RPS6KC1: variants seen among roughly 807,000 people sequenced by gnomAD.
RPS6KC1 encodes the protein inactive ribosomal protein S6 kinase delta-1.
Under a neutral mutation model 103.8 loss-of-function variants are expected in RPS6KC1, and 54 were observed. The ratio of observed to expected loss-of-function variants is 0.52; its 90% CI spans 0.42 to 0.65. The LOEUF is 0.65. Among genes scored for constraint, RPS6KC1 ranks in the 30% least tolerant of loss-of-function variants. RPS6KC1 has a pLI of 0.00. For synonymous variants in RPS6KC1, 439 were observed against 438.7 expected (o/e 1.00, Z -0.01); for missense variants, 1,151 against 1,253.8 (o/e 0.92, Z 1.24).
chr1:213,299,740 T>C, the RPS6KC1 span, among the ~76,000 whole-genome samples: 2 of 152,194 alleles, frequency 1.3e-5, no homozygotes, highest in African/African-American at 4.8e-5. Flanking sequence ...TCTCATACTG[T>C]CTTCAAGGTC....
At chr1:213,074,462 T>C (rs1014798661) in intron 2 of RPS6KC1, among the ~76,000 whole-genome samples, 3 of 152,236 alleles carry the variant, frequency 2.0e-5, no homozygotes, top group Admixed American at 6.5e-5. Context: ...CTGAGGACTT[T>C]GTGTAGTCCA....
chr1:213,512,256 A>G, the RPS6KC1 span, among the ~76,000 whole-genome samples: 532 of 152,354 alleles, frequency 3.5e-3, 1 homozygote, highest in Middle Eastern at 6.8e-3. Context: ...ATCAACATTT[A>G]AATGCCCAAA....
intron 1 of RPS6KC1, among the ~76,000 whole-genome samples, chr1:213,052,672 C>T (rs1400721045): frequency 6.6e-6 from 1 of 152,074 alleles, no homozygotes; most frequent in Non-Finnish European, 1.5e-5. Context: ...TCCCGAGTAG[C>T]TGGGATTACA....
At chr1:213,543,909 C>T in the RPS6KC1 span, among the ~76,000 whole-genome samples, 1 of 152,176 alleles carries the variant, frequency 6.6e-6, no homozygotes, top group Non-Finnish European at 1.5e-5. Context: ...AACTTAGCTG[C>T]TAAACTTTCC....
At chr1:213,331,143 A>G in the RPS6KC1 span, among the ~76,000 whole-genome samples, 1 of 152,256 alleles carries the variant, frequency 6.6e-6, no homozygotes, top group East Asian at 1.9e-4. Context: ...GTGCTGGCAC[A>G]GGAGACTAGT....
At chr1:213,128,111 C>T (rs1319621595) in intron 5 of RPS6KC1, among the ~76,000 whole-genome samples, 1 of 152,154 alleles carries the variant, frequency 6.6e-6, no homozygotes, top group Non-Finnish European at 1.5e-5. Flanking sequence ...TTTTCAGTTA[C>T]ATTATCTATG....
chr1:213,691,889 G>A, the RPS6KC1 span, among the ~76,000 whole-genome samples: 1 of 152,170 alleles, frequency 6.6e-6, no homozygotes, highest in African/African-American at 2.4e-5. Flanking sequence ...TCCCAAAGGG[G>A]CAGGAAGGCT....
chr1:213,456,535 A>G, the RPS6KC1 span, among the ~76,000 whole-genome samples: 4 of 152,072 alleles, frequency 2.6e-5, no homozygotes, highest in Non-Finnish European at 5.9e-5. Context: ...AGGCCCACTT[A>G]TACCCTACTC....
chr1:213,565,715 A>G, the RPS6KC1 span, among the ~76,000 whole-genome samples: 4 of 152,230 alleles, frequency 2.6e-5, no homozygotes, highest in Admixed American at 2.6e-4. Flanking sequence ...TATTATTTGT[A>G]TATTTCATTG....
the RPS6KC1 span, among the ~76,000 whole-genome samples, chr1:213,708,020 T>C: frequency 2.0e-5 from 3 of 152,244 alleles, no homozygotes; most frequent in Admixed American, 1.3e-4. Flanking sequence ...GCCTTGGCTA[T>C]ACTGGCTCTT....
the RPS6KC1 span, among the ~76,000 whole-genome samples, chr1:213,603,042 G>A: frequency 2.0e-5 from 3 of 152,206 alleles, no homozygotes; most frequent in Non-Finnish European, 2.9e-5. Context: ...CCAACTATCC[G>A]ATAATAACAT....
At chr1:213,856,773 A>T in the RPS6KC1 span, among the ~76,000 whole-genome samples, 1 of 152,318 alleles carries the variant, frequency 6.6e-6, no homozygotes, top group South Asian at 2.1e-4. Flanking sequence ...TTTTAAACCA[A>T]TTCTATCGTG....
the RPS6KC1 span, among the ~76,000 whole-genome samples, chr1:213,284,261 A>G: frequency 6.6e-6 from 1 of 152,244 alleles, no homozygotes; most frequent in African/African-American, 2.4e-5. Context: ...CCATGCCTGT[A>G]ATACCAACAC....
chr1:213,656,741 T>G, the RPS6KC1 span, among the ~76,000 whole-genome samples: 69 of 152,342 alleles, frequency 4.5e-4, no homozygotes, highest in South Asian at 1.7e-3. Flanking sequence ...AAAAGGAATC[T>G]TTTTTCTCTT....
At chr1:213,121,501 C>A (rs959435036) in intron 5 of RPS6KC1, among the ~76,000 whole-genome samples, 1 of 152,174 alleles carries the variant, frequency 6.6e-6, no homozygotes, top group Non-Finnish European at 1.5e-5. Context: ...TTGCTAACAT[C>A]TTATTTCTAT....
At chr1:213,761,874 A>G in the RPS6KC1 span, among the ~76,000 whole-genome samples, 1 of 152,066 alleles carries the variant, frequency 6.6e-6, no homozygotes, top group Admixed American at 6.6e-5. Context: ...GAGGGATGGA[A>G]CCATGTCTGA....
intron 8 of RPS6KC1, among the ~76,000 whole-genome samples, chr1:213,182,894 CGTA>C (rs1364945376): frequency 2.8e-5 from 4 of 145,078 alleles, no homozygotes; most frequent in African/African-American, 1.0e-4. Context: ...ATATATATGA[CGTA>C]TATATCATAT....
the RPS6KC1 span, among the ~76,000 whole-genome samples, chr1:213,653,926 T>C: frequency 0.18 from 27,112 of 152,210 alleles, 2,904 homozygotes; most frequent in Admixed American, 0.28. Flanking sequence ...AAGGATAGCA[T>C]ACCTCCCATT....
At chr1:213,381,131 T>C in the RPS6KC1 span, among the ~76,000 whole-genome samples, 1 of 152,154 alleles carries the variant, frequency 6.6e-6, no homozygotes, top group Non-Finnish European at 1.5e-5. Flanking sequence ...CTTGTGGGAC[T>C]GGGAAGAGGG....
Sources: allele counts gnomAD v4.1 joint callset (sites outside exome capture counted in the v4.1 genomes callset), GRCh38; gene constraint gnomAD v4.1.1; transcripts MANE v1.5; gene names NCBI Gene and HGNC (gene_info 2026-07-23, HGNC 2026-07-21).